The following SLMAP variants were observed in gnomAD, a reference collection of about 807,000 sequenced individuals.
SLMAP encodes the protein sarcolemma associated protein.
In SLMAP, 44 loss-of-function variants were observed where a neutral mutation model predicts 128.8. The ratio of observed to expected loss-of-function variants is 0.34; its 90% CI spans 0.27 to 0.44. The LOEUF (loss-of-function observed/expected upper bound fraction) is 0.44, where lower values mean the gene tolerates loss of function less well. Ranked by LOEUF, SLMAP falls within the 20% of genes least tolerant of loss-of-function variation. SLMAP has a pLI of 1.00. For missense variants in SLMAP, 787 were observed against 985.3 expected (o/e 0.80, Z 2.69); for synonymous variants, 327 against 348.8 (o/e 0.94, Z 0.70).
intron 19 of SLMAP, 57 bp from the exon 20 acceptor site, chr3:57,912,324 G>A: frequency 6.9e-7 from 1 of 1,457,432 alleles, no homozygotes; most frequent in Non-Finnish European, 9.6e-7. Context: ...CTACAATCCT[G>A]TATGGATTAT....
At chr3:57,873,994 A>G (rs2095545281) in intron 14 of SLMAP, among the ~76,000 whole-genome samples, 1 of 152,088 alleles carries the variant, frequency 6.6e-6, no homozygotes, top group Non-Finnish European at 1.5e-5. Flanking sequence ...GTGGTGATGC[A>G]TGCCTGTAAT....
At position 57,875,378 on chromosome 3, in the gene SLMAP, G is replaced by A. The variant is rs189338137; in HGVS notation, c.1300+3680G>A. 5.9e-5 allele frequency among the ~76,000 whole-genome samples: 9 copies of A among 152,082 alleles called. No individual in the cohort carries two copies. The East Asian group carries it at 1.7e-3, about 29-fold the overall frequency. On this transcript the variant is annotated intron_variant, in intron 14 of 24. Transcript: ENST00000671191. ...TCTCTACAAAAAATTAGCTGGCCATGGTGATAACATGCCTGTGTCCCAGCT... is the reference window on the plus strand; with the variant it reads ...TCTCTACAAAAAATTAGCTGGCCATAGTGATAACATGCCTGTGTCCCAGCT...
At chr3:57,816,429 C>T (rs983880811) in intron 2 of SLMAP, among the ~76,000 whole-genome samples, 2 of 152,176 alleles carry the variant, frequency 1.3e-5, no homozygotes, top group African/African-American at 2.4e-5. Flanking sequence ...CAGGTGTGAG[C>T]CACAGCACCC....
intron 3 of SLMAP, among the ~76,000 whole-genome samples, chr3:57,837,855 A>G (rs954873882): frequency 2.6e-5 from 4 of 152,234 alleles, no homozygotes; most frequent in African/African-American, 7.2e-5. Context: ...TAACATGTCT[A>G]TGCATGTGTG....
In SLMAP at chr3:57,864,679, T is replaced by C; in HGVS notation, c.1098T>C (p.Asp366=). The change falls in exon 11 of 25, where the codon GAT becomes GAC. Residue 366 remains aspartate (D), a synonymous_variant. Coordinates refer to ENST00000671191, the MANE Select transcript of SLMAP (RefSeq NM_001377540.1). ...LQAKIEALQA[D]NDFTNERLTA... ...CAAAAATAGAAGCTTTGCAAGCTGA[T>C]AATGATTTCACCAATGAAAGGCTAA... 1.3e-6 allele frequency: 2 copies of C among 1,596,308 alleles called. No individual in the cohort carries two copies. Among genetic ancestry groups the C allele is most frequent in the Non-Finnish European group, 1.7e-6 (2 of 1,175,896 alleles).
chr3:57,919,790 C>T (rs940467727), intron 22 of SLMAP, among the ~76,000 whole-genome samples: 1 of 148,238 alleles, frequency 6.7e-6, no homozygotes, highest in African/African-American at 2.5e-5. Context: ...AGCGAAACTC[C>T]ATCTCAAAAA....
chr3:57,768,811 TAAAA>T (rs11300949), intron 2 of SLMAP, among the ~76,000 whole-genome samples: 5 of 150,790 alleles, frequency 3.3e-5, no homozygotes, highest in Non-Finnish European at 5.9e-5. Context: ...TCGAAGGCCT[TAAAA>T]AAAAAGACTG....
chr3:57,822,359 G>A (rs911888493), intron 2 of SLMAP, among the ~76,000 whole-genome samples: 2 of 151,996 alleles, frequency 1.3e-5, no homozygotes, highest in Admixed American at 6.5e-5. Flanking sequence ...GTGGCACTCT[G>A]CTTAATATGC....
At chr3:57,786,172 A>G (rs1168600250) in intron 2 of SLMAP, among the ~76,000 whole-genome samples, 1 of 152,238 alleles carries the variant, frequency 6.6e-6, no homozygotes, top group Non-Finnish European at 1.5e-5. Flanking sequence ...AATAACTCCA[A>G]AACCACAGTG....
At chr3:57,826,941 G>A (rs2092969144) in intron 2 of SLMAP, among the ~76,000 whole-genome samples, 1 of 152,052 alleles carries the variant, frequency 6.6e-6, no homozygotes, top group Non-Finnish European at 1.5e-5. Context: ...CTTATTTTGG[G>A]GTTTGTGTGG....
intron 2 of SLMAP, among the ~76,000 whole-genome samples, chr3:57,762,776 C>T (rs1004624283): frequency 1.5e-5 from 2 of 130,628 alleles, no homozygotes; most frequent in African/African-American, 3.0e-5. Context: ...AGTGCAGTGG[C>T]GCAATCTCGG....
At chr3:57,903,633 T>G (rs941276688) in intron 17 of SLMAP, among the ~76,000 whole-genome samples, 12 of 152,202 alleles carry the variant, frequency 7.9e-5, no homozygotes, top group African/African-American at 2.9e-4. Context: ...GTCAGTTCAT[T>G]TATAGTGTGA....
intron 2 of SLMAP, among the ~76,000 whole-genome samples, chr3:57,786,720 C>G (rs775503094): frequency 1.4e-5 from 2 of 146,708 alleles, no homozygotes; most frequent in Middle Eastern, 7.2e-3. Context: ...CCTTTCCCAG[C>G]TAGTCTTTGT....
At chr3:57,762,160 A>G (rs1244422397) in intron 2 of SLMAP, among the ~76,000 whole-genome samples, 2 of 151,556 alleles carry the variant, frequency 1.3e-5, no homozygotes, top group Non-Finnish European at 2.9e-5. Flanking sequence ...CGAGGTTAGG[A>G]GATCGAGATC....
At chr3:57,847,154 A>G (rs547715087) in intron 4 of SLMAP, 43 bp from the exon 5 acceptor site, 11 of 1,321,878 alleles carry the variant, frequency 8.3e-6, no homozygotes, top group Middle Eastern at 1.9e-4. Flanking sequence ...TGTTTCCTCT[A>G]TTGTCCGGAT....
rs375718491 is a variant in SLMAP at position 57,908,742 on chromosome 3, A to G, written c.1625-334A>G. Among the ~76,000 whole-genome samples, 27 of 152,356 alleles carry G rather than the reference A, an allele frequency of 1.8e-4. No homozygotes were observed. The South Asian group carries it at 5.4e-3, about 30-fold the overall frequency. On this transcript the variant is annotated intron_variant, in intron 18 of 24. Transcript: ENST00000671191. Reference sequence around the variant, plus strand: ...GTTTACTATGTGCTTGACAGTAAATATAAGAATTTTAAGTCTTTTTAAAAA... The same window carrying G: ...GTTTACTATGTGCTTGACAGTAAATGTAAGAATTTTAAGTCTTTTTAAAAA...
chr3:57,896,432 C>T, intron 15 of SLMAP, 79 bp from the exon 16 acceptor site: 1 of 1,452,970 alleles, frequency 6.9e-7, no homozygotes, highest in Non-Finnish European at 9.0e-7. Flanking sequence ...AGATTTTGAG[C>T]ATTCATAGCC....
chr3:57,833,541 T>C (rs1560158718), intron 3 of SLMAP, among the ~76,000 whole-genome samples: 1 of 151,820 alleles, frequency 6.6e-6, no homozygotes, highest in Non-Finnish European at 1.5e-5. Context: ...TGCCTCAGCC[T>C]CTCGAGTAGC....
At chr3:57,890,413 A>G (rs2096031417) in intron 15 of SLMAP, 1 of 234,798 alleles carries the variant, frequency 4.3e-6, no homozygotes, top group Non-Finnish European at 8.2e-6. Flanking sequence ...TTCAGCTTTG[A>G]TCTCAAATTT....
Sources: gnomAD v4.1 joint callset for allele counts (sites outside exome capture counted in the v4.1 genomes callset) on GRCh38, gnomAD v4.1.1 for gene constraint, MANE v1.5 for transcripts, NCBI Gene and HGNC (gene_info 2026-07-23, HGNC 2026-07-21) for gene names.